The following SLC2A13 variants were observed in gnomAD, a reference collection of about 807,000 sequenced individuals.
SLC2A13 encodes solute carrier family 2 member 13, also known as proton myo-inositol cotransporter.
Under a neutral mutation model 64.4 loss-of-function variants are expected in SLC2A13, and 32 were observed. That is an observed-to-expected ratio of 0.50 (90% CI 0.37 to 0.67). The LOEUF (loss-of-function observed/expected upper bound fraction) is 0.67, where lower values mean the gene tolerates loss of function less well. Ranked by LOEUF, SLC2A13 falls within the 30% of genes least tolerant of loss-of-function variation. The pLI, the probability that SLC2A13 is intolerant of heterozygous loss-of-function variation, is 0.00. For synonymous variants in SLC2A13, 338 were observed against 327.1 expected (o/e 1.03, Z -0.36); for missense variants, 743 against 829.2 (o/e 0.90, Z 1.28).
At chr12:40,070,989 G>A (rs929690864) in intron 1 of SLC2A13, among the ~76,000 whole-genome samples, 1 of 152,124 alleles carries the variant, frequency 6.6e-6, no homozygotes, top group Non-Finnish European at 1.5e-5. Context: ...CTTCAAGGTG[G>A]GGATTAGGGC....
rs536418471 is a variant in SLC2A13, at chr12:39,895,031, G to A, written c.1035-23070C>T. ...GGGAAGAGATAGAATCATAACCAAC[G>A]GCAGTGGAACTTTTTGTTTTTGAGA... On this transcript the variant is annotated intron_variant, in intron 4 of 9. Coordinates refer to ENST00000280871, the MANE Select transcript of SLC2A13 (RefSeq NM_052885.4). 7.9e-5 allele frequency among the ~76,000 whole-genome samples: 12 copies of A among 152,082 alleles called. No individual in the cohort carries two copies. The East Asian group carries it at 1.4e-3, about 17-fold the overall frequency.
At chr12:39,790,487 G>A (rs1941358035) in intron 7 of SLC2A13, among the ~76,000 whole-genome samples, 1 of 150,138 alleles carries the variant, frequency 6.7e-6, no homozygotes, top group African/African-American at 2.5e-5. Flanking sequence ...TTTTGTTCTT[G>A]TGATAGTTTG....
chr12:39,879,886 T>A (rs910929858), intron 4 of SLC2A13, among the ~76,000 whole-genome samples: 7 of 152,160 alleles, frequency 4.6e-5, no homozygotes, highest in Non-Finnish European at 1.0e-4. Context: ...TTTGTCCCCA[T>A]GCAAATCTCA....
At chr12:39,830,011 A>G in intron 7 of SLC2A13, 92 bp downstream of exon 7, 1 of 1,509,276 alleles carries the variant, frequency 6.6e-7, no homozygotes. Flanking sequence ...AGTTTAAAAG[A>G]ACTGCTATAA....
chr12:39,907,812 A>G (rs1464898947), intron 4 of SLC2A13: 1 of 152,120 alleles, frequency 6.6e-6, no homozygotes, highest in Non-Finnish European at 1.5e-5. Flanking sequence ...AACCTGCCTG[A>G]TTCTCCACTT....
chr12:39,839,384 G>A lies in SLC2A13; in HGVS notation c.1320-9156C>T, dbSNP rs554433028. On this transcript the variant is annotated intron_variant, in intron 6 of 9. Transcript: ENST00000280871. ...GAGAATAAAAAAAAATCTTAGACACGTGAGTAAATAGTTGGAAACAAGTTT... is the reference window on the plus strand; with the variant it reads ...GAGAATAAAAAAAAATCTTAGACACATGAGTAAATAGTTGGAAACAAGTTT... Among the ~76,000 whole-genome samples the A allele has an allele frequency of 4.6e-5, 7 of 152,114 alleles. No homozygotes were observed. The South Asian group carries it at 8.3e-4, about 18-fold the overall frequency.
At chr12:39,846,591 A>G (rs1943320065) in intron 6 of SLC2A13, among the ~76,000 whole-genome samples, 1 of 152,164 alleles carries the variant, frequency 6.6e-6, no homozygotes. Context: ...AGCTGAGTCT[A>G]CAGGCACATA....
At chr12:39,787,052 C>T (rs1316339798) in intron 7 of SLC2A13, among the ~76,000 whole-genome samples, 1 of 152,024 alleles carries the variant, frequency 6.6e-6, no homozygotes, top group African/African-American at 2.4e-5. Context: ...GGCAGTCTAC[C>T]TAGATGTTAC....
intron 4 of SLC2A13, among the ~76,000 whole-genome samples, chr12:39,928,699 T>C (rs1341301457): frequency 2.6e-5 from 4 of 152,126 alleles, no homozygotes; most frequent in Non-Finnish European, 1.5e-5. Flanking sequence ...ATAAAGTAAT[T>C]AAAGTTTGTA....
At chr12:40,010,411 C>A (rs1016102882) in intron 3 of SLC2A13, among the ~76,000 whole-genome samples, 3 of 152,034 alleles carry the variant, frequency 2.0e-5, no homozygotes, top group Admixed American at 6.6e-5. Context: ...ATATAAATGC[C>A]ATTCATTCTT....
intron 7 of SLC2A13, among the ~76,000 whole-genome samples, chr12:39,786,749 G>A (rs924855463): frequency 1.3e-5 from 2 of 152,138 alleles, no homozygotes; most frequent in African/African-American, 4.8e-5. Flanking sequence ...ATCATTCTCT[G>A]TACTATCTTT....
chr12:39,961,436 G>A (rs892906329), intron 3 of SLC2A13, among the ~76,000 whole-genome samples: 2 of 152,100 alleles, frequency 1.3e-5, no homozygotes, highest in Non-Finnish European at 2.9e-5. Flanking sequence ...CTTCTGATAC[G>A]TATCCTTAAA....
intron 6 of SLC2A13, among the ~76,000 whole-genome samples, chr12:39,855,151 G>C (rs1943574446): frequency 6.6e-6 from 1 of 152,106 alleles, no homozygotes. Context: ...TGAAACTATG[G>C]TATTAGACTT....
chr12:39,853,169 G>A (rs550662940), intron 6 of SLC2A13, among the ~76,000 whole-genome samples: 13 of 152,130 alleles, frequency 8.5e-5, no homozygotes, highest in African/African-American at 2.9e-4. Flanking sequence ...GCCTAGTTAC[G>A]CTCACAAAGA....
At chr12:40,091,765 G>C (rs1938776151) in intron 1 of SLC2A13, among the ~76,000 whole-genome samples, 1 of 152,170 alleles carries the variant, frequency 6.6e-6, no homozygotes, top group Non-Finnish European at 1.5e-5. Flanking sequence ...ATTCAGGACA[G>C]TCTGGTTTTG....
At chr12:39,880,685 A>G (rs1012967932) in intron 4 of SLC2A13, among the ~76,000 whole-genome samples, 5 of 152,216 alleles carry the variant, frequency 3.3e-5, no homozygotes, top group African/African-American at 1.2e-4. Context: ...AATGGAACTT[A>G]TAAGGGATTT....
chr12:40,099,797 A>T (rs564868548), intron 1 of SLC2A13, among the ~76,000 whole-genome samples: 1 of 152,316 alleles, frequency 6.6e-6, no homozygotes, highest in East Asian at 1.9e-4. Flanking sequence ...CAAGAAGTCA[A>T]AGGAGGCTTT....
chr12:39,789,560 A>T (rs929117865), intron 7 of SLC2A13, among the ~76,000 whole-genome samples: 8 of 152,152 alleles, frequency 5.3e-5, no homozygotes, highest in Admixed American at 5.2e-4. Context: ...AAATATGGGA[A>T]AACAGAATAA....
chr12:39,981,913 T>A (rs2136150180), intron 3 of SLC2A13, among the ~76,000 whole-genome samples: 1 of 107,934 alleles, frequency 9.3e-6, no homozygotes, highest in Admixed American at 1.0e-4. Flanking sequence ...TGAACATTGA[T>A]GCAAAAATCC....
Sources: allele counts gnomAD v4.1 joint callset (sites outside exome capture counted in the v4.1 genomes callset), GRCh38; gene constraint gnomAD v4.1.1; transcripts MANE v1.5; gene names NCBI Gene and HGNC (gene_info 2026-07-23, HGNC 2026-07-21).